HK1: variants seen among roughly 807,000 people sequenced by gnomAD.
The protein encoded by HK1 is hexokinase-1.
A neutral mutation model predicts 91.6 loss-of-function variants in HK1; 28 were observed. The observed-to-expected ratio is 0.31, with a 90% CI of 0.23 to 0.42. The LOEUF is 0.42. Among genes scored for constraint, HK1 ranks in the 10% least tolerant of loss-of-function variants. The probability of loss-of-function intolerance (pLI) is 1.00; values close to 1 mark genes in which losing one functional copy is unlikely to be tolerated. For missense variants in HK1, 770 were observed against 1,219.8 expected, an observed-to-expected ratio of 0.63 and a Z score of 5.49; for synonymous variants, 430 against 468.1, an observed-to-expected ratio of 0.92 and a Z score of 1.05.
At chr10:69,393,797 C>T (rs974408473) in intron 15 of HK1, among the ~76,000 whole-genome samples, 1 of 152,182 alleles carries the variant, frequency 6.6e-6, no homozygotes, top group African/African-American at 2.4e-5. Context: ...AATCCCAGCA[C>T]TTTGGGAGGC....
intron 4 of HK1, among the ~76,000 whole-genome samples, chr10:69,298,856 C>T (rs1845704151): frequency 6.6e-6 from 1 of 151,866 alleles, no homozygotes; most frequent in South Asian, 2.1e-4. Flanking sequence ...ATGAACTAAT[C>T]ACTATGTGTA....
At chr10:69,271,004 C>T (rs1844130357) in intron 1 of HK1, 1 of 152,210 alleles carries the variant, frequency 6.6e-6, no homozygotes. Context: ...TCCTTATACA[C>T]AGAAGATACT....
At chr10:69,312,171 A>G (rs1041362290), upstream of HK1, among the ~76,000 whole-genome samples, 8 of 152,192 alleles carry the variant, frequency 5.3e-5, no homozygotes, top group African/African-American at 1.9e-4. Flanking sequence ...AGGCATACAC[A>G]TTTTCTAATA....
At chr10:69,342,142 T>C (rs933561261) in intron 1 of HK1, among the ~76,000 whole-genome samples, 7 of 148,312 alleles carry the variant, frequency 4.7e-5, no homozygotes, top group African/African-American at 1.5e-4. Flanking sequence ...AGATAGACTA[T>C]GAAAAAAAAA....
In HK1 at chr10:69,401,221, A is replaced by G; in HGVS notation, c.*86A>G. On this transcript the variant is annotated 3_prime_UTR_variant, in exon 18 of 18. Transcript: ENST00000359426. ...TACCCTCCCAGCGAGTTGCGCTGGG[A>G]GACGCTGGCGCCAGGGCCTGCCGGC... 2 of 1,503,186 alleles carry G rather than the reference A, an allele frequency of 1.3e-6. No individual in the cohort carries two copies. The highest frequency in any genetic ancestry group is 2.3e-4 in the Middle Eastern group (1 of 4,364). 93.1% of individuals were successfully genotyped at this position (1,503,186 alleles called of 1,614,324 possible). A position where few individuals can be genotyped will look rare whatever the true frequency, so the allele number is the denominator to read the frequency against.
intron 13 of HK1, among the ~76,000 whole-genome samples, chr10:69,388,304 G>T (rs192373236): frequency 1.3e-5 from 2 of 152,048 alleles, no homozygotes; most frequent in African/African-American, 4.8e-5. Flanking sequence ...AAAATTAGCC[G>T]TCATAGTGGT....
At chr10:69,351,209 AAAT>A (rs879605581) in intron 2 of HK1, among the ~76,000 whole-genome samples, 15,375 of 149,878 alleles carry the variant, frequency 0.1, 1,303 homozygotes, top group African/African-American at 0.22. Flanking sequence ...ATAAATAAAT[AAAT>A]AAAACCAAAG....
intron 3 of HK1, among the ~76,000 whole-genome samples, chr10:69,294,831 C>T (rs1036663087): frequency 6.6e-5 from 10 of 151,856 alleles, no homozygotes; most frequent in Admixed American, 1.3e-4. Context: ...CACTGCACTC[C>T]AGCCTGGGCA....
At chr10:69,323,746 G>C (rs1197011332) in intron 1 of HK1, among the ~76,000 whole-genome samples, 22 of 152,186 alleles carry the variant, frequency 1.4e-4, no homozygotes. Flanking sequence ...CTGGCAGGCA[G>C]GGTGTCTGTG....
intron 7 of HK1, among the ~76,000 whole-genome samples, chr10:69,372,704 T>G (rs538455307): frequency 6.6e-6 from 1 of 152,296 alleles, no homozygotes; most frequent in South Asian, 2.1e-4. Flanking sequence ...GGGAAGTGAT[T>G]TTTCATCTCT....
intron 4 of HK1, among the ~76,000 whole-genome samples, chr10:69,299,174 A>G (rs879594630): frequency 2.0e-5 from 3 of 150,938 alleles, no homozygotes; most frequent in Admixed American, 1.3e-4. Flanking sequence ...TGTAAGCTTA[A>G]TAAGTGTGTT....
At chr10:69,333,543 A>T (rs1847835722) in intron 1 of HK1, among the ~76,000 whole-genome samples, 1 of 151,952 alleles carries the variant, frequency 6.6e-6, no homozygotes, top group Non-Finnish European at 1.5e-5. Context: ...GGCCACTTTT[A>T]CCAGTCAGGA....
chr10:69,394,710 C>T (rs1426234701), intron 15 of HK1, among the ~76,000 whole-genome samples: 1 of 152,092 alleles, frequency 6.6e-6, no homozygotes, highest in Non-Finnish European at 1.5e-5. Flanking sequence ...AGGAGGGAGA[C>T]CAGTCTAGCA....
chr10:69,275,114 ACTG>A (rs1161088871), intron 1 of HK1, among the ~76,000 whole-genome samples: 1 of 151,994 alleles, frequency 6.6e-6, no homozygotes, highest in Non-Finnish European at 1.5e-5. Flanking sequence ...ACAATGGTCT[ACTG>A]CTCCCCTCTT....
chr10:69,356,943 C>A (rs1240017192), intron 2 of HK1, among the ~76,000 whole-genome samples: 2 of 148,140 alleles, frequency 1.4e-5, no homozygotes, highest in Non-Finnish European at 3.0e-5. Context: ...AGCAAAGGAT[C>A]TGAATAGACA....
At chr10:69,276,138 T>TATATATATATACAC (rs753204633) in intron 1 of HK1, among the ~76,000 whole-genome samples, 51 of 76,404 alleles carry the variant, frequency 6.7e-4, no homozygotes, top group African/African-American at 1.2e-3. Flanking sequence ...TATATATATA[T>TATATATATATACAC]ACACATATAT....
At position 69,379,949 on chromosome 10, in the gene HK1, C is replaced by T. The variant is rs538951044; in HGVS notation, c.1119C>T (p.His373=). 10 of 1,614,198 alleles carry T rather than the reference C, an allele frequency of 6.2e-6. No homozygotes were observed. The highest frequency in any genetic ancestry group is 4.4e-5 in the South Asian group (4 of 91,088). The change falls in exon 9 of 18, where the codon CAC becomes CAT. Residue 373 remains histidine, a synonymous_variant. Transcript: ENST00000359426. ...ATGATGACTGTGTCTCAGTCCAGCA[C>T]GTTTGCACCATTGTCTCATTTCGCT... ...PSDDDCVSVQ[H]VCTIVSFRSA...
rs370360351 is a variant in HK1 at position 69,309,306 on chromosome 10, C to A, written c.27+8445C>A. On this transcript the variant is annotated intron_variant, in intron 5 of 21. Transcript: ENST00000360289. ...ACGCCATTCTCCTGCCTCAGCCTCC[C>A]CAGTAGCTGGAACTACAGGCACCCG... 1.9e-3 allele frequency among the ~76,000 whole-genome samples: 285 copies of A among 150,718 alleles called. 1 individual carries two copies. Among genetic ancestry groups the A allele is most frequent in the South Asian group, 0.015 (72 of 4,736 alleles).
chr10:69,384,536 G>T lies in HK1; in HGVS notation c.1719+55G>T. The T allele has an allele frequency of 1.9e-6, 3 of 1,609,306 alleles. No individual in the cohort carries two copies. The South Asian group carries it at 3.3e-5, about 18-fold the overall frequency. On this transcript the variant is annotated intron_variant, in intron 11 of 17. Coordinates refer to ENST00000359426, the MANE Select transcript of HK1 (RefSeq NM_000188.3). ...ACTGCACACACGGCCAGTGGCACCG[G>T]CAGTCACGTGATGACCAAAATCCGC...
Sources: gnomAD v4.1 joint callset for allele counts (sites outside exome capture counted in the v4.1 genomes callset) on GRCh38, gnomAD v4.1.1 for gene constraint, MANE v1.5 for transcripts, NCBI Gene and HGNC (gene_info 2026-07-23, HGNC 2026-07-21) for gene names.